RBMS3: variants seen among roughly 807,000 people sequenced by gnomAD.
RBMS3 encodes RNA binding motif single stranded interacting protein 3.
In RBMS3, 27 loss-of-function variants were observed where a neutral mutation model predicts 66.8. The observed-to-expected ratio is 0.40, with a 90% CI of 0.30 to 0.56. RBMS3 has a LOEUF of 0.56. RBMS3 is among the 20% of genes least tolerant of loss of function. RBMS3 has a pLI of 0.40. For missense variants in RBMS3, 513 were observed against 549.5 expected, an observed-to-expected ratio of 0.93 and a Z score of 0.66; for synonymous variants, 188 against 183.0, an observed-to-expected ratio of 1.03 and a Z score of -0.22.
chr3:29,917,588 A>G (rs1034905714), intron 10 of RBMS3, among the ~76,000 whole-genome samples: 4 of 151,994 alleles, frequency 2.6e-5, no homozygotes, highest in Non-Finnish European at 4.4e-5. Context: ...AGAAAGATTC[A>G]TGGGACTCTA....
chr3:29,602,284 T>C (rs1453713820), intron 4 of RBMS3, among the ~76,000 whole-genome samples: 1 of 152,052 alleles, frequency 6.6e-6, no homozygotes, highest in Non-Finnish European at 1.5e-5. Context: ...ATGGAGGAAA[T>C]GGTCCATGGA....
intron 3 of RBMS3, among the ~76,000 whole-genome samples, chr3:29,549,026 C>T (rs1431634185): frequency 6.7e-6 from 1 of 148,608 alleles, no homozygotes; most frequent in Non-Finnish European, 1.5e-5. Flanking sequence ...GATATGTACA[C>T]AAGCCCAAAT....
At chr3:29,318,856 A>G (rs969811636) in intron 1 of RBMS3, among the ~76,000 whole-genome samples, 1 of 151,896 alleles carries the variant, frequency 6.6e-6, no homozygotes, top group African/African-American at 2.4e-5. Context: ...TAATGGAAGC[A>G]TGACTAGGAT....
At chr3:29,731,587 T>C (rs1053856217) in intron 4 of RBMS3, among the ~76,000 whole-genome samples, 1 of 152,174 alleles carries the variant, frequency 6.6e-6, no homozygotes, top group African/African-American at 2.4e-5. Flanking sequence ...CTTTAATGCC[T>C]TACCTTGGAT....
At chr3:29,328,448 C>T (rs1224619880) in intron 1 of RBMS3, among the ~76,000 whole-genome samples, 2 of 152,132 alleles carry the variant, frequency 1.3e-5, no homozygotes, top group African/African-American at 2.4e-5. Context: ...ATTCCACCAT[C>T]CCTACCACCC....
chr3:29,873,384 C>T (rs2059537209), intron 7 of RBMS3, among the ~76,000 whole-genome samples: 1 of 152,090 alleles, frequency 6.6e-6, no homozygotes, highest in African/African-American at 2.4e-5. Context: ...ATTTGGCTCT[C>T]GACTTGGCTG....
intron 2 of RBMS3, among the ~76,000 whole-genome samples, chr3:29,467,396 A>G (rs977860201): frequency 1.7e-4 from 26 of 152,162 alleles, no homozygotes; most frequent in Non-Finnish European, 2.6e-4. Context: ...AAATGCATGG[A>G]ATTTCATGAG....
chr3:29,325,484 A>G (rs2035267109), intron 1 of RBMS3, among the ~76,000 whole-genome samples: 1 of 151,912 alleles, frequency 6.6e-6, no homozygotes, highest in African/African-American at 2.4e-5. Flanking sequence ...GTTGAAAGAA[A>G]ACTATCCCAT....
At chr3:29,639,796 C>G (rs9837792) in intron 4 of RBMS3, among the ~76,000 whole-genome samples, 46,133 of 151,568 alleles carry the variant, frequency 0.3, 7,293 homozygotes, top group East Asian at 0.37. Flanking sequence ...GCAATTTTTA[C>G]TTCCCTGGTT....
chr3:29,798,256 A>AAAGGGAAGGGAAGGG (rs1243557825), intron 6 of RBMS3, among the ~76,000 whole-genome samples: 2,505 of 101,640 alleles, frequency 0.025, 35 homozygotes, highest in African/African-American at 0.033. Flanking sequence ...GGACAGAAGA[A>AAAGGGAAGGGAAGGG]AAGGGAAGGG....
intron 12 of RBMS3, among the ~76,000 whole-genome samples, chr3:29,962,568 A>ATATATATATATATATATATATAT (rs199824648): frequency 3.6e-4 from 54 of 149,444 alleles, no homozygotes; most frequent in African/African-American, 8.3e-4. Flanking sequence ...ATATATATAT[A>ATATATATATATATATATATATAT]ATACCATACC....
chr3:29,456,019 C>T (rs970645628), intron 2 of RBMS3, among the ~76,000 whole-genome samples: 2 of 152,048 alleles, frequency 1.3e-5, no homozygotes, highest in Admixed American at 1.3e-4. Flanking sequence ...TTGGGGATTA[C>T]AAATAAATGT....
At chr3:29,434,966 G>C (rs761685676) in intron 2 of RBMS3, 51 bp downstream of exon 2, 6 of 1,549,168 alleles carry the variant, frequency 3.9e-6, no homozygotes, top group Non-Finnish European at 5.3e-6. Flanking sequence ...TACTTGCCTT[G>C]GTGGGCAGGA....
chr3:29,955,673 A>T (rs372704551), intron 12 of RBMS3, among the ~76,000 whole-genome samples: 1 of 152,034 alleles, frequency 6.6e-6, no homozygotes, highest in South Asian at 2.1e-4. Flanking sequence ...TTGCTTTGCT[A>T]TATTAAGGCT....
chr3:29,888,860 A>G (rs1381001742), intron 8 of RBMS3, among the ~76,000 whole-genome samples: 1 of 151,742 alleles, frequency 6.6e-6, no homozygotes, highest in Non-Finnish European at 1.5e-5. Flanking sequence ...TATCCGATGT[A>G]TATCTTCAAC....
intron 1 of RBMS3, among the ~76,000 whole-genome samples, chr3:29,408,479 A>T (rs141964934): frequency 1.8e-3 from 281 of 152,166 alleles, no homozygotes; most frequent in African/African-American, 5.9e-3. Context: ...TAGGAAAAAA[A>T]ATCTCTAAGG....
chr3:29,931,363 G>C (rs2061119197), intron 10 of RBMS3, among the ~76,000 whole-genome samples: 1 of 152,110 alleles, frequency 6.6e-6, no homozygotes, highest in South Asian at 2.1e-4. Context: ...GGGCAGTGTG[G>C]CTTCTGGCTT....
chr3:29,990,989 T>A, intron 13 of RBMS3, 93 bp from the exon 14 acceptor site: 1 of 1,278,074 alleles, frequency 7.8e-7, no homozygotes, highest in African/African-American at 1.5e-5. Context: ...TATCTCTACT[T>A]AAGCCAAATA....
chr3:29,532,246 G>GTATATATATATATATATA (rs1166106438), intron 3 of RBMS3, among the ~76,000 whole-genome samples: 1 of 88,982 alleles, frequency 1.1e-5, no homozygotes. Context: ...GCATATATAT[G>GTATATATATATATATATA]TATATATATA....
Sources: gnomAD v4.1 joint callset for allele counts (sites outside exome capture counted in the v4.1 genomes callset) on GRCh38, gnomAD v4.1.1 for gene constraint, MANE v1.5 for transcripts, NCBI Gene and HGNC (gene_info 2026-07-23, HGNC 2026-07-21) for gene names.